The following SCN1A variants were observed in gnomAD, a reference collection of about 807,000 sequenced individuals.
The protein encoded by SCN1A is sodium channel protein type 1 subunit alpha.
SCN1A carries 13 observed loss-of-function variants against 193.7 expected under a neutral mutation model. That is an observed-to-expected ratio of 0.07 (90% CI 0.04 to 0.11). The LOEUF is 0.11. Among genes scored for constraint, SCN1A ranks in the 10% least tolerant of loss-of-function variants. The pLI, the probability that SCN1A is intolerant of heterozygous loss-of-function variation, is 1.00. For synonymous variants in SCN1A, 781 were observed against 843.6 expected (o/e 0.93, Z 1.29); for missense variants, 1,432 against 2,451.1 (o/e 0.58, Z 8.78).
intron 23 of SCN1A, 136 bp from the exon 24 acceptor site, chr2:166,002,889 G>A: frequency 2.9e-6 from 2 of 690,998 alleles, no homozygotes; most frequent in East Asian, 3.0e-5. Context: ...GTAAAAGCAA[G>A]GTTCAAAAAA....
At chr2:166,131,080 G>A (rs1691640059), upstream of SCN1A, among the ~76,000 whole-genome samples, 1 of 151,776 alleles carries the variant, frequency 6.6e-6, no homozygotes, top group South Asian at 2.1e-4. Flanking sequence ...TTTTTTTGTA[G>A]ATTAATTTAT....
chr2:166,002,909 T>G (rs1415350967), intron 23 of SCN1A, 156 bp from the exon 24 acceptor site: 1 of 598,318 alleles, frequency 1.7e-6, no homozygotes, highest in Non-Finnish European at 2.7e-6. Flanking sequence ...AATCTTAAAA[T>G]TCATTTTTTT....
At chr2:166,011,655 G>T (rs1692474132) in intron 22 of SCN1A, among the ~76,000 whole-genome samples, 1 of 151,086 alleles carries the variant, frequency 6.6e-6, no homozygotes, top group African/African-American at 2.4e-5. Context: ...GCACCCAACA[G>T]CATCACTGTT....
rs1467785186 is a variant in SCN1A, at chr2:166,123,848, C to T, written c.-142+3076G>A. On this transcript the variant is annotated intron_variant, in intron 2 of 28. Transcript: ENST00000674923. ...CTGAGATTCCACAGATCTGGCTGCACACCTCTATGGTGCTATTTCTGTTCG... is the reference window on the plus strand; with the variant it reads ...CTGAGATTCCACAGATCTGGCTGCATACCTCTATGGTGCTATTTCTGTTCG... 2.0e-5 allele frequency among the ~76,000 whole-genome samples: 3 copies of T among 152,132 alleles called. No individual in the cohort carries two copies. The East Asian group carries it at 5.8e-4, about 29-fold the overall frequency.
chr2:166,115,073 G>A (rs1689702422), intron 2 of SCN1A, among the ~76,000 whole-genome samples: 1 of 152,038 alleles, frequency 6.6e-6, no homozygotes, highest in African/African-American at 2.4e-5. Flanking sequence ...ACCAAAGAAT[G>A]CCTCAAAATG....
intron 17 of SCN1A, 36 bp downstream of exon 17, chr2:166,039,387 G>T: frequency 6.3e-7 from 1 of 1,586,208 alleles, no homozygotes; most frequent in African/African-American, 1.4e-5. Flanking sequence ...TGTTAGAAAG[G>T]TTTTTGAATT....
intron 1 of SCN1A, among the ~76,000 whole-genome samples, chr2:166,143,483 TCAAA>T (rs1341496325): frequency 1.3e-5 from 2 of 152,170 alleles, no homozygotes; most frequent in South Asian, 2.1e-4. Context: ...AGCATTTTTA[TCAAA>T]CAAATTCCAG....
chr2:166,063,612 T>C (rs946237804), intron 4 of SCN1A, among the ~76,000 whole-genome samples: 7 of 152,066 alleles, frequency 4.6e-5, no homozygotes, highest in African/African-American at 1.4e-4. Flanking sequence ...TATAGAAGAA[T>C]TGATGAAGGT....
At chr2:166,111,037 C>G (rs1385681490) in intron 2 of SCN1A, among the ~76,000 whole-genome samples, 1 of 152,070 alleles carries the variant, frequency 6.6e-6, no homozygotes, top group East Asian at 1.9e-4. Context: ...ATAAATTAGC[C>G]AGTCTCGGGT....
intron 1 of SCN1A, among the ~76,000 whole-genome samples, chr2:166,140,658 T>C (rs191155251): frequency 1.6e-4 from 25 of 152,316 alleles, no homozygotes; most frequent in Admixed American, 6.5e-5. Flanking sequence ...CTAAATTTGT[T>C]AGAAATGAAA....
intron 19 of SCN1A, among the ~76,000 whole-genome samples, chr2:166,033,760 CAAT>C (rs1452242595): frequency 2.0e-5 from 3 of 150,272 alleles, no homozygotes; most frequent in East Asian, 3.9e-4. Flanking sequence ...TATAAAAAAA[CAAT>C]AAGAGTAAGA....
In SCN1A at chr2:166,047,702, A is replaced by G. The variant is rs758306481; in HGVS notation, c.1095T>C (p.Phe365=). The change falls in exon 11 of 29, where the codon TTT becomes TTC. Residue 365 remains phenylalanine (F), a synonymous_variant. Coordinates refer to ENST00000674923, the MANE Select transcript of SCN1A (RefSeq NM_001165963.4). ...GRNPNYGYTS[F]DTFSWAFLSL... is the part of the protein sequence containing the mutation. ...ACAAAAAAGCCCAACTGAAGGTATCAAAGCTTGTGTAGCCATAATTGGGAT... is the reference window on the plus strand; with the variant it reads ...ACAAAAAAGCCCAACTGAAGGTATCGAAGCTTGTGTAGCCATAATTGGGAT... 6.2e-7 allele frequency: 1 copy of G among 1,613,648 alleles called. No individual in the cohort carries two copies. The highest frequency in any genetic ancestry group is 8.5e-7 in the Non-Finnish European group (1 of 1,179,738).
chr2:165,998,017 G>A (rs1376916084), intron 26 of SCN1A, 21 bp downstream of exon 26: 21 of 1,579,954 alleles, frequency 1.3e-5, no homozygotes, highest in Non-Finnish European at 1.7e-5. Flanking sequence ...CAGTGGGAGA[G>A]AAAATATTAG....
At chr2:166,073,719 TA>T in intron 3 of SCN1A, 49 bp from the exon 4 acceptor site, 1 of 1,269,172 alleles carries the variant, frequency 7.9e-7, no homozygotes, top group Non-Finnish European at 1.1e-6. Flanking sequence ...TAAGAGATGT[TA>T]ATATAAATAA....
At chr2:165,999,021 T>C (rs935413134) in intron 25 of SCN1A, 5 of 151,486 alleles carry the variant, frequency 3.3e-5, no homozygotes, top group African/African-American at 7.3e-5. Context: ...AATAGAAAGA[T>C]GAAGGTTGAT....
intron 19 of SCN1A, among the ~76,000 whole-genome samples, chr2:166,026,881 C>T (rs1694860944): frequency 6.6e-6 from 1 of 151,904 alleles, no homozygotes; most frequent in African/African-American, 2.4e-5. Context: ...GATGGGGTTT[C>T]ACCGTGTTAG....
At chr2:166,070,805 T>C (rs1247678072) in intron 4 of SCN1A, among the ~76,000 whole-genome samples, 1 of 152,214 alleles carries the variant, frequency 6.6e-6, no homozygotes, top group Non-Finnish European at 1.5e-5. Flanking sequence ...GGTTTCCAGA[T>C]GAAGAATGTC....
Position 165,992,635 on chromosome 2 carries a change from A to T in SCN1A, c.4853-213T>A, listed in dbSNP as rs555915256. The T allele has an allele frequency of 3.0e-5, 7 of 232,570 alleles. No individual in the cohort carries two copies. The highest frequency in any genetic ancestry group is 1.4e-4 in the African/African-American group (6 of 41,974). 14.4% of individuals were successfully genotyped at this position (232,570 alleles called of 1,614,324 possible). A position where few individuals can be genotyped will look rare whatever the true frequency, so the allele number is the denominator to read the frequency against. The stretch of plus-strand genomic sequence containing the variant: ...TAATTTCAATTATAAGGATTATAGT[A>T]CTTTTTTTTATCTTTAAGAGATGTT... On this transcript the variant is annotated intron_variant, in intron 28 of 28. Transcript: ENST00000674923. This position sits in a 1 kb window ranked among gnomAD's most constrained non-coding sequence, Gnocchi z 6.5.
At chr2:166,062,326 C>G (rs149891203) in intron 4 of SCN1A, among the ~76,000 whole-genome samples, 1,950 of 152,206 alleles carry the variant, frequency 0.013, 23 homozygotes, top group Non-Finnish European at 0.017. Context: ...TATGATAGCA[C>G]TTTCATGTCA....
Sources: allele counts gnomAD v4.1 joint callset (sites outside exome capture counted in the v4.1 genomes callset), GRCh38; gene constraint gnomAD v4.1.1; non-coding constraint Gnocchi (gnomAD v3.1); transcripts MANE v1.5; gene names NCBI Gene and HGNC (gene_info 2026-07-23, HGNC 2026-07-21).